The following KLHL32 variants were observed in gnomAD, a reference collection of about 807,000 sequenced individuals.
KLHL32 encodes kelch-like protein 32.
KLHL32 carries 35 observed loss-of-function variants against 64.8 expected under a neutral mutation model. That is an observed-to-expected ratio of 0.54 (90% CI 0.41 to 0.72). The LOEUF is 0.72. Among genes scored for constraint, KLHL32 ranks in the 30% least tolerant of loss-of-function variants. The pLI is 0.00. For missense variants in KLHL32, 589 were observed against 768.5 expected (o/e 0.77, Z 2.76); for synonymous variants, 259 against 281.0 (o/e 0.92, Z 0.78).
chr6:97,058,992 A>G (rs1009640874), intron 4 of KLHL32, among the ~76,000 whole-genome samples: 1 of 152,204 alleles, frequency 6.6e-6, no homozygotes, highest in Non-Finnish European at 1.5e-5. Context: ...TCACTGTACA[A>G]ATAAGAACAC....
rs1274794596 is a variant in KLHL32, at chr6:96,988,454, A to G, written c.204+12277A>G. On this transcript the variant is annotated intron_variant, in intron 3 of 10. Coordinates refer to ENST00000369261, the MANE Select transcript of KLHL32 (RefSeq NM_052904.4). ...GCAATCATTAAAAAGTCAGGAAACA[A>G]CAGGTGCTGGAGAGGATGTGGAGAA... Among the ~76,000 whole-genome samples the G allele has an allele frequency of 2.0e-5, 3 of 152,142 alleles. No individual in the cohort carries two copies. In the East Asian group the frequency reaches 5.8e-4, roughly 29 times the overall value.
At chr6:97,023,836 G>T (rs925152839) in intron 3 of KLHL32, among the ~76,000 whole-genome samples, 1 of 152,150 alleles carries the variant, frequency 6.6e-6, no homozygotes, top group Admixed American at 6.5e-5. Flanking sequence ...TCTTCAACTT[G>T]TAACTCTCTG....
chr6:97,015,754 C>T (rs1042570089), intron 3 of KLHL32, among the ~76,000 whole-genome samples: 5 of 152,126 alleles, frequency 3.3e-5, no homozygotes, highest in African/African-American at 1.2e-4. Context: ...GGGAAAATGT[C>T]CCCAGGGCAT....
chr6:96,942,654 G>GGGGGGT (rs1554202843), intron 1 of KLHL32, among the ~76,000 whole-genome samples: 3 of 144,322 alleles, frequency 2.1e-5, no homozygotes, highest in African/African-American at 7.8e-5. Context: ...ACAGCTGTGG[G>GGGGGGT]GTGTGTGTGT....
intron 3 of KLHL32, among the ~76,000 whole-genome samples, chr6:97,007,082 G>A (rs769197044): frequency 1.3e-5 from 2 of 152,030 alleles, no homozygotes; most frequent in Admixed American, 6.5e-5. Context: ...CTTTAAATAT[G>A]TTTTCTAAGT....
intron 2 of KLHL32, among the ~76,000 whole-genome samples, chr6:96,975,765 A>G (rs1355539172): frequency 1.3e-5 from 2 of 152,182 alleles, no homozygotes; most frequent in Non-Finnish European, 2.9e-5. Flanking sequence ...AAATGCAGAA[A>G]GAGATGCACC....
intron 3 of KLHL32, among the ~76,000 whole-genome samples, chr6:97,037,698 C>T (rs1784504578): frequency 1.3e-5 from 2 of 151,848 alleles, no homozygotes; most frequent in African/African-American, 4.8e-5. Flanking sequence ...TAAATGGAAC[C>T]ACAAAAACCC....
At chr6:96,998,150 C>G (rs1440375778) in intron 3 of KLHL32, among the ~76,000 whole-genome samples, 2 of 152,172 alleles carry the variant, frequency 1.3e-5, no homozygotes, top group Non-Finnish European at 2.9e-5. Flanking sequence ...AGTAAATTAT[C>G]CTTTTGCTTA....
chr6:97,137,540 T>C (rs760252337), intron 10 of KLHL32, among the ~76,000 whole-genome samples: 1 of 151,118 alleles, frequency 6.6e-6, no homozygotes. Flanking sequence ...AGTTAAAGTC[T>C]TTTTTTTTCC....
chr6:97,036,835 G>C (rs774924673), intron 3 of KLHL32, among the ~76,000 whole-genome samples: 1 of 152,318 alleles, frequency 6.6e-6, no homozygotes, highest in East Asian at 1.9e-4. Flanking sequence ...TGGGCTCCAG[G>C]CATCTCTGTC....
At chr6:96,993,116 G>C (rs750591883) in intron 3 of KLHL32, among the ~76,000 whole-genome samples, 5 of 152,204 alleles carry the variant, frequency 3.3e-5, no homozygotes, top group Non-Finnish European at 7.3e-5. Context: ...GAGCCCTATG[G>C]AGCTTGTAAT....
chr6:97,104,039 T>A (rs1358695111), intron 6 of KLHL32, among the ~76,000 whole-genome samples: 1 of 152,258 alleles, frequency 6.6e-6, no homozygotes, highest in Non-Finnish European at 1.5e-5. Flanking sequence ...CTTTTAATAC[T>A]GGCTTTCCAA....
At chr6:97,070,730 T>A (rs928234877) in intron 5 of KLHL32, among the ~76,000 whole-genome samples, 1 of 152,210 alleles carries the variant, frequency 6.6e-6, no homozygotes, top group Non-Finnish European at 1.5e-5. Flanking sequence ...GATTTTAAAA[T>A]CACTTTCAGT....
At chr6:97,011,246 GTTC>G (rs1323914405) in intron 3 of KLHL32, among the ~76,000 whole-genome samples, 2 of 152,208 alleles carry the variant, frequency 1.3e-5, no homozygotes, top group East Asian at 1.9e-4. Context: ...TGGGAGACAT[GTTC>G]TTCTTTGAAT....
intron 6 of KLHL32, among the ~76,000 whole-genome samples, chr6:97,110,112 G>A (rs1796925917): frequency 6.6e-6 from 1 of 152,088 alleles, no homozygotes; most frequent in Admixed American, 6.5e-5. Flanking sequence ...GCAGCATGTG[G>A]GAACTGTCTC....
intron 1 of KLHL32, among the ~76,000 whole-genome samples, chr6:96,940,723 G>A (rs1771177227): frequency 6.6e-6 from 1 of 152,196 alleles, no homozygotes; most frequent in Non-Finnish European, 1.5e-5. Flanking sequence ...TTGCACACCA[G>A]ACTTTGTAGT....
At position 97,041,478 on chromosome 6, in the gene KLHL32, T is replaced by A; in HGVS notation, c.205-14T>A. ...AAAGTCTCATAACTGTCTTTCTCCCTTTCCTCACCTCAGGCAATGTTCAGT... is the reference window on the plus strand; with the variant it reads ...AAAGTCTCATAACTGTCTTTCTCCCATTCCTCACCTCAGGCAATGTTCAGT... On this transcript the variant is annotated splice_polypyrimidine_tract_variant and intron_variant, in intron 3 of 10. Coordinates refer to ENST00000369261, the MANE Select transcript of KLHL32 (RefSeq NM_052904.4). 7 of 1,581,656 alleles carry A rather than the reference T, an allele frequency of 4.4e-6. No individual in the cohort carries two copies. Among genetic ancestry groups the A allele is most frequent in the Non-Finnish European group, 6.1e-6 (7 of 1,150,618 alleles).
At chr6:96,964,867 A>G (rs1439024988) in intron 1 of KLHL32, among the ~76,000 whole-genome samples, 2 of 152,166 alleles carry the variant, frequency 1.3e-5, no homozygotes, top group Non-Finnish European at 2.9e-5. Context: ...AATAATTTCA[A>G]CTTTTATTTT....
At chr6:97,072,076 G>C (rs1055260989) in intron 5 of KLHL32, among the ~76,000 whole-genome samples, 1 of 152,074 alleles carries the variant, frequency 6.6e-6, no homozygotes, top group Non-Finnish European at 1.5e-5. Context: ...CTTCGGCTTG[G>C]GTATTTCTCA....
Sources: allele counts gnomAD v4.1 joint callset (sites outside exome capture counted in the v4.1 genomes callset), GRCh38; gene constraint gnomAD v4.1.1; transcripts MANE v1.5; gene names NCBI Gene and HGNC (gene_info 2026-07-23, HGNC 2026-07-21).